The following MINAR1 variants were observed in gnomAD, a reference collection of about 807,000 sequenced individuals.
The protein encoded by MINAR1 is major intrinsically disordered Notch2-binding receptor 1.
MINAR1 carries 40 observed loss-of-function variants against 65.1 expected under a neutral mutation model. That is an observed-to-expected ratio of 0.61 (90% CI 0.48 to 0.80). The LOEUF is 0.80. MINAR1 is among the 30% of genes least tolerant of loss of function. The pLI, the probability that MINAR1 is intolerant of heterozygous loss-of-function variation, is 0.00. For synonymous variants in MINAR1, 482 were observed against 449.1 expected (o/e 1.07, Z -0.93); for missense variants, 1,128 against 1,148.0 (o/e 0.98, Z 0.25).
At chr15:79,466,568 A>T (rs1173987480) in intron 3 of MINAR1, among the ~76,000 whole-genome samples, 1 of 152,212 alleles carries the variant, frequency 6.6e-6, no homozygotes, top group Non-Finnish European at 1.5e-5. Flanking sequence ...ATCACTAAAA[A>T]TCACTCGTAG....
intron 1 of MINAR1, among the ~76,000 whole-genome samples, chr15:79,452,146 A>G (rs1417574056): frequency 1.3e-5 from 2 of 151,988 alleles, no homozygotes; most frequent in Non-Finnish European, 2.9e-5. Context: ...GAAGTGCGAC[A>G]GCGTATGTGT....
Position 79,458,401 on chromosome 15 carries a change from A to G in MINAR1, c.2254A>G (p.Thr752Ala). The G allele has an allele frequency of 1.2e-6, 2 of 1,614,148 alleles. No homozygotes were observed. The highest frequency in any genetic ancestry group is 2.2e-5 in the South Asian group (2 of 91,066). Residue 752 changes from threonine (T) to alanine (A), a missense_variant, in exon 2 of 4, where the codon ACA becomes GCA. Coordinates refer to ENST00000305428, the MANE Select transcript of MINAR1 (RefSeq NM_015206.3). ...CCTCAATGAGGAGGAGATAAAAGAC[A>G]CAGGCCCAGGAGATAATAAAGACTG... ...VGLNEEEIKD[T>A]GPGDNKDWHR...
At chr15:79,432,925 G>A (rs1177663797) in intron 1 of MINAR1, among the ~76,000 whole-genome samples, 1 of 152,240 alleles carries the variant, frequency 6.6e-6, no homozygotes, top group African/African-American at 2.4e-5. Flanking sequence ...TGTGCAAAAA[G>A]CCTGACACAT....
chr15:79,423,805 A>G, the MINAR1 span: 2 of 152,268 alleles, frequency 1.3e-5, no homozygotes, highest in African/African-American at 4.8e-5. Context: ...AAGTGGGAAT[A>G]ATGGCATGAC....
chr15:79,437,369 G>A (rs1467910300), intron 1 of MINAR1, among the ~76,000 whole-genome samples: 1 of 151,750 alleles, frequency 6.6e-6, no homozygotes, highest in Non-Finnish European at 1.5e-5. Context: ...GGGATAGGTA[G>A]TGAGTGGATG....
chr15:79,424,735 C>G, the MINAR1 span: 5 of 152,228 alleles, frequency 3.3e-5, no homozygotes, highest in Admixed American at 2.0e-4. Flanking sequence ...GAACATCGAA[C>G]TCACTTGGCA....
the MINAR1 span, chr15:79,413,199 C>G: frequency 6.6e-6 from 1 of 152,188 alleles, no homozygotes; most frequent in African/African-American, 2.4e-5. Context: ...AGCTCTCCAG[C>G]CAGGGTTCTG....
In MINAR1 at chr15:79,471,604, G is replaced by C. The variant is rs951523405; in HGVS notation, c.*3220G>C. On this transcript the variant is annotated 3_prime_UTR_variant, in exon 4 of 4. Transcript: ENST00000305428. ...TTTAATAGACGTGCTAAATATCACT[G>C]TTCTGAATATCTGTGCCATAGTTCT... is the stretch of plus-strand genomic sequence containing the variant. 6.6e-6 allele frequency: 1 copy of C among 152,368 alleles called. No individual in the cohort carries two copies. Among genetic ancestry groups the C allele is most frequent in the Admixed American group, 6.6e-5 (1 of 15,234 alleles). The allele number at this position is 152,368 out of a possible 1,614,324, so 9.4% of individuals were successfully genotyped here.
the MINAR1 span, chr15:79,412,269 T>G: frequency 6.6e-6 from 1 of 152,162 alleles, no homozygotes; most frequent in Non-Finnish European, 1.5e-5. Flanking sequence ...TTCTCTGCCC[T>G]GCCAGTGTGC....
intron 2 of MINAR1, among the ~76,000 whole-genome samples, chr15:79,459,489 G>A (rs1010475034): frequency 2.0e-5 from 3 of 152,090 alleles, no homozygotes; most frequent in African/African-American, 4.8e-5. Flanking sequence ...TCTGGCCAAG[G>A]TGATGCAACT....
chr15:79,443,917 G>A (rs1237173492), intron 1 of MINAR1, among the ~76,000 whole-genome samples: 1 of 152,114 alleles, frequency 6.6e-6, no homozygotes, highest in Non-Finnish European at 1.5e-5. Flanking sequence ...CCCACCAGTA[G>A]CATATAAAAA....
At chr15:79,452,681 GGTGTGTGTGTGTGGGTGTCTGGATGA>G (rs1567055368) in intron 1 of MINAR1, among the ~76,000 whole-genome samples, 2 of 135,424 alleles carry the variant, frequency 1.5e-5, no homozygotes, top group Admixed American at 7.4e-5. Flanking sequence ...TATGAGTCTG[GGTGTGTGTGTGTGGGTGTCTGGATGA>G]GTGTGTGGGT....
chr15:79,455,470 C>T (rs1733696265), intron 1 of MINAR1, among the ~76,000 whole-genome samples: 1 of 152,140 alleles, frequency 6.6e-6, no homozygotes, highest in Admixed American at 6.5e-5. Flanking sequence ...CAAATGCCTA[C>T]AGTCATGTAA....
At chr15:79,419,142 A>T in the MINAR1 span, 2 of 152,054 alleles carry the variant, frequency 1.3e-5, no homozygotes, top group African/African-American at 4.8e-5. Flanking sequence ...TATTGTGGGG[A>T]TGGGGAGCGG....
chr15:79,429,686 C>T (rs1481438498), upstream of MINAR1, among the ~76,000 whole-genome samples: 1 of 152,248 alleles, frequency 6.6e-6, no homozygotes, highest in Admixed American at 6.5e-5. Context: ...CATGAATTCG[C>T]GTCATCCCCC....
chr15:79,421,801 G>A, the MINAR1 span: 1 of 152,244 alleles, frequency 6.6e-6, no homozygotes, highest in Non-Finnish European at 1.5e-5. Context: ...CAGGCAAAGC[G>A]AGCACTTCTC....
chr15:79,453,070 C>G (rs1895289468), intron 1 of MINAR1, among the ~76,000 whole-genome samples: 1 of 151,678 alleles, frequency 6.6e-6, no homozygotes, highest in Admixed American at 6.6e-5. Flanking sequence ...CTGACCAGAT[C>G]CGGCTTCAGA....
At chr15:79,423,823 A>T in the MINAR1 span, 1 of 152,216 alleles carries the variant, frequency 6.6e-6, no homozygotes, top group Non-Finnish European at 1.5e-5. Context: ...GACCTGCCTT[A>T]TAGGATTTTT....
chr15:79,448,881 T>C (rs1895100094), intron 1 of MINAR1, among the ~76,000 whole-genome samples: 1 of 152,174 alleles, frequency 6.6e-6, no homozygotes, highest in South Asian at 2.1e-4. Context: ...AAATCATCTC[T>C]CTCTCTTTTT....
Sources: gnomAD v4.1 joint callset for allele counts (sites outside exome capture counted in the v4.1 genomes callset) on GRCh38, gnomAD v4.1.1 for gene constraint, MANE v1.5 for transcripts, NCBI Gene and HGNC (gene_info 2026-07-23, HGNC 2026-07-21) for gene names.